ST6GALNAC3: variants seen among roughly 807,000 people sequenced by gnomAD.
ST6GALNAC3 encodes ST6 N-acetylgalactosaminide alpha-2,6-sialyltransferase 3.
In ST6GALNAC3, 25 loss-of-function variants were observed where a neutral mutation model predicts 32.7. The ratio of observed to expected loss-of-function variants is 0.76; its 90% CI spans 0.56 to 1.07. The LOEUF is 1.07. Among genes scored for constraint, ST6GALNAC3 ranks in the 50% least tolerant of loss-of-function variants. The pLI, the probability that ST6GALNAC3 is intolerant of heterozygous loss-of-function variation, is 0.00. For synonymous variants in ST6GALNAC3, 129 were observed against 133.1 expected, an observed-to-expected ratio of 0.97 and a Z score of 0.21; for missense variants, 355 against 382.4, an observed-to-expected ratio of 0.93 and a Z score of 0.60.
At position 76,390,946 on chromosome 1, in the gene ST6GALNAC3, A is replaced by ATTTTTTTTTTTTTTTTT. The variant is rs58114434; in HGVS notation, c.214-21051_214-21050insTTTTTTTTTTTTTTTTT. 3.4e-4 allele frequency among the ~76,000 whole-genome samples: 41 copies of ATTTTTTTTTTTTTTTTT among 121,030 alleles called. 1 individual carries two copies. Among genetic ancestry groups the ATTTTTTTTTTTTTTTTT allele is most frequent in the Admixed American group, 7.3e-4 (9 of 12,258 alleles). 79.4% of individuals were successfully genotyped at this position (121,030 alleles called of 152,430 possible). On this transcript the variant is annotated intron_variant, in intron 2 of 4. Transcript: ENST00000328299. ...TTAAAATGCTTATATATATATATGT[A>ATTTTTTTTTTTTTTTTT]TTTTTTTTTTTGAGATGGAGTCTCG...
Position 76,232,638 on chromosome 1 carries a change from A to G in ST6GALNAC3, c.19-81167A>G, listed in dbSNP as rs537227445. Among the ~76,000 whole-genome samples, 4 of 152,296 alleles carry G rather than the reference A, an allele frequency of 2.6e-5. No homozygotes were observed. In the East Asian group the frequency reaches 7.7e-4, roughly 29 times the overall value. On this transcript the variant is annotated intron_variant, in intron 1 of 4. Coordinates refer to ENST00000328299, the MANE Select transcript of ST6GALNAC3 (RefSeq NM_152996.4). The stretch of plus-strand genomic sequence containing the variant: ...CCCTCAGATAGCGGGGCTGTTGTTG[A>G]ACTGTATCACAGCTCCCTGTCCTCC...
chr1:76,419,404 G>A (rs922148996), intron 3 of ST6GALNAC3, among the ~76,000 whole-genome samples: 1 of 152,080 alleles, frequency 6.6e-6, no homozygotes, highest in African/African-American at 2.4e-5. Flanking sequence ...GGCCTTAAAT[G>A]GGAAGCTTCA....
chr1:76,334,007 A>G (rs1175038755), intron 2 of ST6GALNAC3, among the ~76,000 whole-genome samples: 1 of 152,208 alleles, frequency 6.6e-6, no homozygotes, highest in Non-Finnish European at 1.5e-5. Context: ...CTGAAGGTGT[A>G]ACCATTAAGC....
intron 2 of ST6GALNAC3, among the ~76,000 whole-genome samples, chr1:76,336,375 A>G (rs79664725): frequency 1.3e-5 from 2 of 152,204 alleles, no homozygotes; most frequent in African/African-American, 4.8e-5. Flanking sequence ...CTTAAATTTA[A>G]TGAATAAGTG....
chr1:76,310,092 T>A, intron 1 of ST6GALNAC3: 1 of 418,224 alleles, frequency 2.4e-6, no homozygotes, highest in Non-Finnish European at 4.8e-6. Flanking sequence ...CAGAGAGCCG[T>A]GCTGAGCTCT....
intron 1 of ST6GALNAC3, among the ~76,000 whole-genome samples, chr1:76,227,119 G>A (rs1192340684): frequency 6.6e-6 from 1 of 152,134 alleles, no homozygotes; most frequent in East Asian, 1.9e-4. Flanking sequence ...TGGTACAAAT[G>A]GACAGGTAAA....
rs536296187 is a variant in ST6GALNAC3 at position 76,619,593 on chromosome 1, G to T, written c.624-7859G>T. On this transcript the variant is annotated intron_variant, in intron 3 of 4. Coordinates refer to ENST00000328299, the MANE Select transcript of ST6GALNAC3 (RefSeq NM_152996.4). ...ATTTTCTTCTGGATACTTTTCCCCA[G>T]ATCCATAAATTTCTTTCATCTGAGA... Among the ~76,000 whole-genome samples, 27 of 152,160 alleles carry T rather than the reference G, an allele frequency of 1.8e-4. No individual in the cohort carries two copies. The South Asian group carries it at 2.9e-3, about 16-fold the overall frequency.
intron 4 of ST6GALNAC3, among the ~76,000 whole-genome samples, chr1:76,628,032 A>G (rs1466587013): frequency 2.6e-5 from 4 of 152,098 alleles, no homozygotes; most frequent in Non-Finnish European, 5.9e-5. Flanking sequence ...GTAATCTGCC[A>G]GATCCTTATT....
At chr1:76,106,569 T>G (rs571384062) in intron 1 of ST6GALNAC3, among the ~76,000 whole-genome samples, 9 of 152,288 alleles carry the variant, frequency 5.9e-5, no homozygotes, top group Non-Finnish European at 1.2e-4. Flanking sequence ...AGGAATTGGA[T>G]GGTGCACCCA....
At chr1:76,573,303 G>C (rs1016932988) in intron 3 of ST6GALNAC3, among the ~76,000 whole-genome samples, 1 of 152,082 alleles carries the variant, frequency 6.6e-6, no homozygotes, top group East Asian at 1.9e-4. Flanking sequence ...ATATAAACCT[G>C]CTGACAGGCC....
chr1:76,115,813 C>T (rs547924136), intron 1 of ST6GALNAC3, among the ~76,000 whole-genome samples: 3 of 152,144 alleles, frequency 2.0e-5, no homozygotes, highest in South Asian at 4.1e-4. Flanking sequence ...ATACTTCATT[C>T]GATTTTAGAC....
intron 3 of ST6GALNAC3, among the ~76,000 whole-genome samples, chr1:76,533,731 T>C (rs896610413): frequency 6.6e-6 from 1 of 152,170 alleles, no homozygotes; most frequent in Non-Finnish European, 1.5e-5. Flanking sequence ...CTCTACTGTA[T>C]CTATCCCAGG....
chr1:76,131,324 A>G (rs1255034118), intron 1 of ST6GALNAC3, among the ~76,000 whole-genome samples: 1 of 152,230 alleles, frequency 6.6e-6, no homozygotes, highest in African/African-American at 2.4e-5. Flanking sequence ...GATGCCATCT[A>G]TTAAACCTGA....
chr1:76,200,949 C>T (rs1198062955), intron 1 of ST6GALNAC3, among the ~76,000 whole-genome samples: 1 of 151,866 alleles, frequency 6.6e-6, no homozygotes, highest in Non-Finnish European at 1.5e-5. Flanking sequence ...GAAGACTGCT[C>T]TAAAATCTTT....
chr1:76,328,238 T>A (rs889206729), intron 2 of ST6GALNAC3, among the ~76,000 whole-genome samples: 1 of 152,126 alleles, frequency 6.6e-6, no homozygotes, highest in African/African-American at 2.4e-5. Context: ...TGCTCGGGAG[T>A]CACCTGCCTA....
chr1:76,491,254 C>T (rs1329344464), intron 3 of ST6GALNAC3, among the ~76,000 whole-genome samples: 1 of 152,132 alleles, frequency 6.6e-6, no homozygotes, highest in Non-Finnish European at 1.5e-5. Context: ...GAGGCAAGAT[C>T]TTACATCAAC....
chr1:76,513,512 A>G (rs1176770838), intron 3 of ST6GALNAC3, among the ~76,000 whole-genome samples: 4 of 152,162 alleles, frequency 2.6e-5, no homozygotes, highest in African/African-American at 9.7e-5. Flanking sequence ...TGTTAGTACC[A>G]TAATGTCTTG....
intron 1 of ST6GALNAC3, among the ~76,000 whole-genome samples, chr1:76,123,572 G>T (rs997401311): frequency 1.3e-5 from 2 of 151,900 alleles, no homozygotes; most frequent in African/African-American, 4.8e-5. Flanking sequence ...TATAGTGCTT[G>T]GTCAGGAATA....
At chr1:76,151,192 A>G (rs1191206486) in intron 1 of ST6GALNAC3, among the ~76,000 whole-genome samples, 1 of 152,128 alleles carries the variant, frequency 6.6e-6, no homozygotes, top group Non-Finnish European at 1.5e-5. Context: ...GGTGGTTCCT[A>G]GGTGAGAATC....
Sources: gnomAD v4.1 joint callset for allele counts (sites outside exome capture counted in the v4.1 genomes callset) on GRCh38, gnomAD v4.1.1 for gene constraint, MANE v1.5 for transcripts, NCBI Gene and HGNC (gene_info 2026-07-23, HGNC 2026-07-21) for gene names.